ANKHD1: variants seen among roughly 807,000 people sequenced by gnomAD.
ANKHD1 encodes ankyrin repeat and KH domain containing 1.
Under a neutral mutation model 230.5 loss-of-function variants are expected in ANKHD1, and 31 were observed. The observed-to-expected ratio is 0.13, with a 90% CI of 0.10 to 0.18. The LOEUF (loss-of-function observed/expected upper bound fraction) is 0.18. ANKHD1 is among the 10% of genes least tolerant of loss of function. The pLI, the probability that ANKHD1 is intolerant of heterozygous loss-of-function variation, is 1.00. For synonymous variants in ANKHD1, 1,074 were observed against 1,117.6 expected, an observed-to-expected ratio of 0.96 and a Z score of 0.78; for missense variants, 2,256 against 3,071.3, an observed-to-expected ratio of 0.73 and a Z score of 6.27.
At chr5:140,511,184 T>C (rs556782491) in intron 22 of ANKHD1, among the ~76,000 whole-genome samples, 2 of 152,172 alleles carry the variant, frequency 1.3e-5, no homozygotes, top group East Asian at 3.8e-4. Context: ...GCTGTATTTT[T>C]AAAAGCCTTC....
chr5:140,472,348 A>G (rs371395696), intron 10 of ANKHD1: 4 of 1,602,378 alleles, frequency 2.5e-6, no homozygotes, highest in Non-Finnish European at 2.6e-6. Context: ...TAGATGTTGT[A>G]GGTAACCAGA....
At chr5:140,432,038 C>G (rs911646767) in intron 1 of ANKHD1, among the ~76,000 whole-genome samples, 1 of 152,134 alleles carries the variant, frequency 6.6e-6, no homozygotes, top group Non-Finnish European at 1.5e-5. Flanking sequence ...GTTGTTCTTT[C>G]TAGCCTAATG....
At chr5:140,435,590 G>A (rs1024507448) in intron 1 of ANKHD1, among the ~76,000 whole-genome samples, 4 of 152,048 alleles carry the variant, frequency 2.6e-5, no homozygotes, top group African/African-American at 9.7e-5. Flanking sequence ...TGTTGGCCAG[G>A]ATGGTCTCAA....
In ANKHD1 at chr5:140,539,502, A is replaced by G; in HGVS notation, c.*84A>G. On this transcript the variant is annotated 3_prime_UTR_variant, in exon 34 of 34. Coordinates refer to ENST00000360839, the MANE Select transcript of ANKHD1 (RefSeq NM_017747.3). ...TGGGGATTTTTTTTTAATGTGCCTA[A>G]GAAATTTTCTCTGAGGCTTTAGCAA... 4 of 1,467,476 alleles carry G rather than the reference A, an allele frequency of 2.7e-6. No individual in the cohort carries two copies. Among genetic ancestry groups the G allele is most frequent in the Non-Finnish European group, 3.7e-6 (4 of 1,077,674 alleles). 90.9% of individuals were successfully genotyped at this position (1,467,476 alleles called of 1,614,324 possible). A position where few individuals can be genotyped will look rare whatever the true frequency, so the allele number is the denominator to read the frequency against.
intron 1 of ANKHD1, among the ~76,000 whole-genome samples, chr5:140,413,811 T>A (rs1771131981): frequency 6.6e-6 from 1 of 152,076 alleles, no homozygotes; most frequent in Admixed American, 6.6e-5. Context: ...GATGGAGTCT[T>A]GCTCTGTCAC....
At chr5:140,452,467 A>T (rs1774826651) in intron 7 of ANKHD1, among the ~76,000 whole-genome samples, 1 of 152,110 alleles carries the variant, frequency 6.6e-6, no homozygotes, top group South Asian at 2.1e-4. Flanking sequence ...GGGAGGTACC[A>T]CCCAGTAGGG....
At chr5:140,467,313 A>G (rs940392631) in intron 10 of ANKHD1, among the ~76,000 whole-genome samples, 1 of 152,164 alleles carries the variant, frequency 6.6e-6, no homozygotes, top group Non-Finnish European at 1.5e-5. Flanking sequence ...ATTATTTTAT[A>G]TATTGATTTT....
In ANKHD1 at chr5:140,485,153, G is replaced by A. The variant is rs760780709; in HGVS notation, c.1903G>A (p.Asp635Asn). Residue 635 changes from aspartate to asparagine, a missense_variant, in exon 12 of 34, where the codon GAT becomes AAT. Around this residue, in one of 13 missense-constraint regions of ANKHD1, gnomAD observed 179 missense variants for 261.8 expected, o/e 0.68. Coordinates refer to ENST00000360839, the MANE Select transcript of ANKHD1 (RefSeq NM_017747.3). The surrounding 1 kb of genome is among the most constrained non-coding windows in gnomAD (Gnocchi z 4.8). ...TGTTAACAGGGCTACAGCCAATAATGATCATACAGTAGTGTCGCTGGCATG... is the reference window on the plus strand; with the variant it reads ...TGTTAACAGGGCTACAGCCAATAATAATCATACAGTAGTGTCGCTGGCATG... Reference protein sequence around the residue: ...ANVNRATANNDHTVVSLACAG... With the variant: ...ANVNRATANNNHTVVSLACAG... The A allele has an allele frequency of 6.2e-7, 1 of 1,613,448 alleles. No individual in the cohort carries two copies. Among genetic ancestry groups the A allele is most frequent in the East Asian group, 2.2e-5 (1 of 44,858 alleles).
chr5:140,518,623 G>A (rs1410832451), intron 24 of ANKHD1, among the ~76,000 whole-genome samples: 2 of 149,976 alleles, frequency 1.3e-5, no homozygotes, highest in African/African-American at 4.9e-5. Flanking sequence ...GGGATGCAAG[G>A]CTGGTTCAGT....
Position 140,528,286 on chromosome 5 carries a change from A to G in ANKHD1, c.5340A>G (p.Arg1780=). The G allele has an allele frequency of 3.1e-6, 5 of 1,614,074 alleles. No homozygotes were observed. Among genetic ancestry groups the G allele is most frequent in the African/African-American group, 2.7e-5 (2 of 75,016 alleles). The change falls in exon 29 of 34, where the codon AGA becomes AGG. Residue 1780 remains arginine (R), a synonymous_variant. Transcript: ENST00000360839. ...ACTTGATTCCTAAAAATCATATCAG[A>G]ACACCTGCCAGCACCAAATCAATTC... is the stretch of plus-strand genomic sequence containing the variant. ...LEDLIPKNHI[R]TPASTKSIHA...
At chr5:140,421,151 G>A (rs960442175) in intron 1 of ANKHD1, among the ~76,000 whole-genome samples, 3 of 152,120 alleles carry the variant, frequency 2.0e-5, no homozygotes, top group African/African-American at 4.8e-5. Flanking sequence ...AGGTAAGACC[G>A]AAGAGGAAGG....
At position 140,449,221 on chromosome 5, in the gene ANKHD1, T is replaced by C. The variant is rs773972724; in HGVS notation, c.1158T>C (p.Asp386=). 4.3e-6 allele frequency: 7 copies of C among 1,612,324 alleles called. No homozygotes were observed. The East Asian group carries it at 6.7e-5, about 15-fold the overall frequency. The change falls in exon 7 of 34, where the codon GAT becomes GAC. Residue 386 remains aspartate (D), a synonymous_variant. Transcript: ENST00000360839. ...GTTCCTTTTTTCAAGGCCATTTGGA[T>C]ATGGTTCGCTTTCTACTTGAAGCTG... ...LTLACYKGHL[D]MVRFLLEAGA...
chr5:140,459,281 T>G lies in ANKHD1; in HGVS notation c.1598T>G (p.Leu533Arg). Residue 533 changes from leucine (L) to arginine (R), a missense_variant, in exon 9 of 34, where the codon CTT (leucine) becomes CGT (arginine). This residue lies in a region of ANKHD1 where 179 missense variants were observed against 261.8 expected (regional missense o/e 0.68). Transcript: ENST00000360839. Reference protein sequence around the residue: ...FLIKAGADIELGCSTPLMEAS... With the variant: ...FLIKAGADIERGCSTPLMEAS... ...ATTAAGGCAGGGGCTGATATAGAAC[T>G]TGGCTGCTCCACACCTCTGATGGAG... 6.2e-7 allele frequency: 1 copy of G among 1,602,386 alleles called. No individual in the cohort carries two copies. The highest frequency in any genetic ancestry group is 1.3e-5 in the African/African-American group (1 of 74,800).
At chr5:140,474,211 G>T (rs1156430346) in intron 10 of ANKHD1, among the ~76,000 whole-genome samples, 1 of 152,146 alleles carries the variant, frequency 6.6e-6, no homozygotes, top group Non-Finnish European at 1.5e-5. Flanking sequence ...CTCCTGAGGG[G>T]TATGAATCCA....
At chr5:140,523,797 G>T (rs889500374) in intron 24 of ANKHD1, among the ~76,000 whole-genome samples, 2 of 152,024 alleles carry the variant, frequency 1.3e-5, no homozygotes, top group Non-Finnish European at 2.9e-5. Context: ...CTGACCTCAG[G>T]TAATCCACCG....
Position 140,438,485 on chromosome 5 carries a change from A to T in ANKHD1, c.485A>T (p.Asp162Val). 2.5e-6 allele frequency: 4 copies of T among 1,610,760 alleles called. No homozygotes were observed. The highest frequency in any genetic ancestry group is 2.5e-6 in the Non-Finnish European group (3 of 1,178,050). Residue 162 changes from aspartate to valine, a missense_variant, in exon 3 of 34, where the codon GAT becomes GTT. Asp to Val is a radical substitution (Grantham distance 152, BLOSUM62 -3). Coordinates refer to ENST00000360839, the MANE Select transcript of ANKHD1 (RefSeq NM_017747.3). ...AAGIGKLSTA[D>V]GKAFADPEVL... Reference sequence around the variant, plus strand: ...GGAATTGGCAAATTGTCAACTGCTGATGGTAAAGCTTTTGCAGATCCTGAG... The same window carrying T: ...GGAATTGGCAAATTGTCAACTGCTGTTGGTAAAGCTTTTGCAGATCCTGAG...
chr5:140,506,999 G>A lies in ANKHD1; in HGVS notation c.3551+22G>A, dbSNP rs772671202. ...CAAGGTATTGCCTGTTCATTTTATT[G>A]TTCATGTTTAGTAAGTTACTACTTT... On this transcript the variant is annotated intron_variant, in intron 19 of 33. Coordinates refer to ENST00000360839, the MANE Select transcript of ANKHD1 (RefSeq NM_017747.3). The surrounding 1 kb of genome is among the most constrained non-coding windows in gnomAD (Gnocchi z 4.7). The A allele has an allele frequency of 6.2e-7, 1 of 1,609,906 alleles. No homozygotes were observed. The highest frequency in any genetic ancestry group is 8.5e-7 in the Non-Finnish European group (1 of 1,178,590).
In ANKHD1 at chr5:140,513,348, T is replaced by C; in HGVS notation, c.4201-15T>C. The stretch of plus-strand genomic sequence containing the variant: ...CTTTCATTATATATTTACATAATTC[T>C]ATTTCCTGCTGTAGGAACTGTTGAA... On this transcript the variant is annotated splice_polypyrimidine_tract_variant and intron_variant, in intron 23 of 33. Coordinates refer to ENST00000360839, the MANE Select transcript of ANKHD1 (RefSeq NM_017747.3). 2 of 1,599,188 alleles carry C rather than the reference T, an allele frequency of 1.3e-6. No individual in the cohort carries two copies. Among genetic ancestry groups the C allele is most frequent in the East Asian group, 2.2e-5 (1 of 44,492 alleles).
At chr5:140,442,903 CTTTTTT>C (rs201131647) in intron 5 of ANKHD1, among the ~76,000 whole-genome samples, 13 of 150,488 alleles carry the variant, frequency 8.6e-5, no homozygotes, top group Non-Finnish European at 1.9e-4. Flanking sequence ...ATTTTATTAA[CTTTTTT>C]TTTGTTTTTT....
Sources: gnomAD v4.1 joint callset for allele counts (sites outside exome capture counted in the v4.1 genomes callset) on GRCh38, gnomAD v4.1.1 for gene constraint, gnomAD v4.1.1 regional missense constraint, Gnocchi (gnomAD v3.1) non-coding constraint, MANE v1.5 for transcripts, NCBI Gene and HGNC (gene_info 2026-07-23, HGNC 2026-07-21) for gene names.